ROR1: variants seen among roughly 807,000 people sequenced by gnomAD.
ROR1 encodes the protein inactive tyrosine-protein kinase transmembrane receptor ROR1.
ROR1 carries 19 observed loss-of-function variants against 78.8 expected under a neutral mutation model. The ratio of observed to expected loss-of-function variants is 0.24; its 90% CI spans 0.17 to 0.35. ROR1 has a LOEUF of 0.35. ROR1 is among the 10% of genes least tolerant of loss of function. The probability of loss-of-function intolerance (pLI) is 1.00; values close to 1 mark genes in which losing one functional copy is unlikely to be tolerated. For missense variants in ROR1, 917 were observed against 1,177.8 expected, an observed-to-expected ratio of 0.78 and a Z score of 3.24; for synonymous variants, 386 against 433.6, an observed-to-expected ratio of 0.89 and a Z score of 1.36.
intron 1 of ROR1, among the ~76,000 whole-genome samples, chr1:63,979,563 G>A (rs918739157): frequency 5.3e-5 from 8 of 152,194 alleles, no homozygotes; most frequent in Non-Finnish European, 7.3e-5. Flanking sequence ...TGAGGGGCCA[G>A]GGTGGTAGCC....
chr1:64,043,474 T>C (rs897289385), intron 2 of ROR1, among the ~76,000 whole-genome samples: 1 of 152,184 alleles, frequency 6.6e-6, no homozygotes, highest in Non-Finnish European at 1.5e-5. Flanking sequence ...CTTTTTCTGG[T>C]TCATTAAGCC....
At position 64,142,617 on chromosome 1, in the gene ROR1, T is replaced by A; in HGVS notation, c.1141T>A (p.Phe381Ile). ...CTGGTGCTTCACCTTGGATGAAAAC[T>A]TTAAGTCTGATCTGTGTGACATCCC... is the stretch of plus-strand genomic sequence containing the variant. ...APWCFTLDEN[F>I]KSDLCDIPAC... Residue 381 changes from phenylalanine to isoleucine, a missense_variant, in exon 7 of 9, where the codon TTT becomes ATT. Transcript: ENST00000371079. 6.2e-7 allele frequency: 1 copy of A among 1,614,142 alleles called. No individual in the cohort carries two copies. The highest frequency in any genetic ancestry group is 2.2e-5 in the East Asian group (1 of 44,858).
intron 4 of ROR1, among the ~76,000 whole-genome samples, chr1:64,083,117 C>T (rs1268564527): frequency 1.3e-5 from 2 of 152,100 alleles, no homozygotes; most frequent in Non-Finnish European, 2.9e-5. Context: ...TCTTATGTTA[C>T]AGTCATAATT....
intron 1 of ROR1, among the ~76,000 whole-genome samples, chr1:63,909,166 GCTTTCCACCCTGGGAACCCCACCCCT>G (rs1385265682): frequency 6.6e-6 from 1 of 152,054 alleles, no homozygotes; most frequent in Non-Finnish European, 1.5e-5. Context: ...CTGCGCACCT[GCTTTCCACCCTGGGAACCCCACCCCT>G]GCCCCGATAA....
chr1:63,854,215 C>T (rs146066219), intron 1 of ROR1, among the ~76,000 whole-genome samples: 312 of 152,144 alleles, frequency 2.1e-3, no homozygotes, highest in African/African-American at 6.9e-3. Flanking sequence ...AAATATGTGA[C>T]GTATTACTGC....
At chr1:64,112,202 A>G (rs913674724) in intron 4 of ROR1, 2 of 152,168 alleles carry the variant, frequency 1.3e-5, no homozygotes, top group African/African-American at 4.8e-5. Context: ...ACACATACTG[A>G]GAGCTGATCA....
At chr1:63,964,842 T>A (rs1462290353) in intron 1 of ROR1, among the ~76,000 whole-genome samples, 1 of 152,180 alleles carries the variant, frequency 6.6e-6, no homozygotes. Context: ...CCTGGTTATG[T>A]GGGCCAGAGG....
intron 8 of ROR1, 87 bp from the exon 9 acceptor site, chr1:64,177,341 T>C (rs1650409611): frequency 5.1e-6 from 5 of 981,398 alleles, no homozygotes; most frequent in Non-Finnish European, 7.7e-6. Context: ...AGAACCTTTT[T>C]CTATATGCCC....
At chr1:64,061,094 G>T (rs1646913881) in intron 4 of ROR1, among the ~76,000 whole-genome samples, 2 of 152,202 alleles carry the variant, frequency 1.3e-5, no homozygotes, top group Non-Finnish European at 1.5e-5. Context: ...TGTTAGTAAT[G>T]AATGTATCTC....
At chr1:63,895,431 A>G (rs535959602) in intron 1 of ROR1, among the ~76,000 whole-genome samples, 1 of 152,290 alleles carries the variant, frequency 6.6e-6, no homozygotes, top group East Asian at 1.9e-4. Flanking sequence ...GGTTTCATGA[A>G]GAAGATGGTT....
Position 64,012,513 on chromosome 1 carries a change from T to C in ROR1, c.163+3137T>C, listed in dbSNP as rs139939795. Among the ~76,000 whole-genome samples, 3 of 152,280 alleles carry C rather than the reference T, an allele frequency of 2.0e-5. No homozygotes were observed. In the East Asian group the frequency reaches 5.8e-4, roughly 29 times the overall value. The stretch of plus-strand genomic sequence containing the variant: ...AACCTAAAACCAGCTCTTAAAAATG[T>C]CTCAACATCCTCATGCATGAAGGTT... On this transcript the variant is annotated intron_variant, in intron 2 of 8. Transcript: ENST00000371079.
chr1:64,148,014 T>A (rs1175771880), intron 7 of ROR1, among the ~76,000 whole-genome samples: 1 of 152,182 alleles, frequency 6.6e-6, no homozygotes, highest in East Asian at 1.9e-4. Flanking sequence ...GCCCAAAATG[T>A]CGAATGTTGG....
At chr1:63,921,252 C>T (rs912470864) in intron 1 of ROR1, among the ~76,000 whole-genome samples, 21 of 151,988 alleles carry the variant, frequency 1.4e-4, no homozygotes, top group Non-Finnish European at 1.9e-4. Flanking sequence ...ATTCAGCGTG[C>T]GTTTGGATCG....
intron 1 of ROR1, among the ~76,000 whole-genome samples, chr1:63,881,858 G>C (rs1257003807): frequency 6.6e-6 from 1 of 152,104 alleles, no homozygotes; most frequent in East Asian, 1.9e-4. Flanking sequence ...GATTGTGTTG[G>C]GGAGAATTCT....
intron 1 of ROR1, among the ~76,000 whole-genome samples, chr1:63,919,732 C>T (rs1645639175): frequency 6.6e-6 from 1 of 152,142 alleles, no homozygotes; most frequent in South Asian, 2.1e-4. Flanking sequence ...ATAGTGCCGC[C>T]GTCATCATGC....
At chr1:64,174,717 A>G (rs1156933742) in intron 8 of ROR1, among the ~76,000 whole-genome samples, 2 of 152,196 alleles carry the variant, frequency 1.3e-5, no homozygotes, top group Non-Finnish European at 2.9e-5. Context: ...TATTTACATC[A>G]TTAGGAAAAG....
chr1:63,783,028 G>A (rs945749045), intron 1 of ROR1, among the ~76,000 whole-genome samples: 7 of 152,274 alleles, frequency 4.6e-5, no homozygotes, highest in African/African-American at 1.7e-4. Context: ...GCTGGAAAAG[G>A]GCTGGAGTTC....
intron 1 of ROR1, among the ~76,000 whole-genome samples, chr1:63,888,042 T>C (rs932351963): frequency 6.6e-6 from 1 of 152,162 alleles, no homozygotes; most frequent in Non-Finnish European, 1.5e-5. Context: ...GGAGCCTTTG[T>C]GTCCAGGGCT....
At chr1:63,848,684 A>C (rs1379635201) in intron 1 of ROR1, among the ~76,000 whole-genome samples, 1 of 152,140 alleles carries the variant, frequency 6.6e-6, no homozygotes, top group Non-Finnish European at 1.5e-5. Flanking sequence ...GGTTCTTTTT[A>C]AATTCACTTG....
Sources: allele counts gnomAD v4.1 joint callset (sites outside exome capture counted in the v4.1 genomes callset), GRCh38; gene constraint gnomAD v4.1.1; transcripts MANE v1.5; gene names NCBI Gene and HGNC (gene_info 2026-07-23, HGNC 2026-07-21).